UBE3D: variants seen among roughly 807,000 people sequenced by gnomAD.
UBE3D encodes the protein E3 ubiquitin-protein ligase E3D.
UBE3D carries 48 observed loss-of-function variants against 49.6 expected under a neutral mutation model. The ratio of observed to expected loss-of-function variants is 0.97; its 90% CI spans 0.77 to 1.23. The LOEUF (loss-of-function observed/expected upper bound fraction) is 1.23, where lower values mean the gene tolerates loss of function less well. UBE3D is among the 50% of genes most tolerant of loss of function. UBE3D has a pLI of 0.00. For missense variants in UBE3D, 452 were observed against 468.4 expected, an observed-to-expected ratio of 0.96 and a Z score of 0.32; for synonymous variants, 189 against 174.2, an observed-to-expected ratio of 1.08 and a Z score of -0.67.
chr6:83,034,707 C>T (rs1055415630), intron 5 of UBE3D, among the ~76,000 whole-genome samples: 1 of 152,132 alleles, frequency 6.6e-6, no homozygotes, highest in African/African-American at 2.4e-5. Context: ...GCTTCTTTGC[C>T]TTCTGCCATG....
intron 1 of UBE3D, among the ~76,000 whole-genome samples, chr6:83,063,406 G>A (rs1458823360): frequency 8.3e-5 from 10 of 120,684 alleles, no homozygotes; most frequent in East Asian, 4.5e-4. Flanking sequence ...AGAGCAAGAC[G>A]CTGTCTAAAA....
chr6:83,034,941 GA>G (rs1212085816), intron 5 of UBE3D, among the ~76,000 whole-genome samples: 2 of 152,064 alleles, frequency 1.3e-5, no homozygotes, highest in Non-Finnish European at 2.9e-5. Context: ...CCAGCACTTG[GA>G]AGGCTGAGGC....
the UBE3D span, among the ~76,000 whole-genome samples, chr6:82,884,091 T>C: frequency 6.6e-6 from 1 of 152,212 alleles, no homozygotes; most frequent in Non-Finnish European, 1.5e-5. Context: ...TTTCAAATTT[T>C]AAAACATTAA....
intron 3 of UBE3D, chr6:83,049,793 G>A: frequency 2.1e-6 from 1 of 471,006 alleles, no homozygotes; most frequent in South Asian, 1.5e-5. Context: ...AAAGGCTTGA[G>A]TTTGAAAGTT....
intron 8 of UBE3D, among the ~76,000 whole-genome samples, chr6:82,981,775 CT>C (rs1284960185): frequency 6.6e-6 from 1 of 151,708 alleles, no homozygotes; most frequent in Non-Finnish European, 1.5e-5. Context: ...TGAGAAGAAC[CT>C]TAAAAAAAAA....
At chr6:82,975,549 T>C (rs962384995) in intron 8 of UBE3D, among the ~76,000 whole-genome samples, 1 of 152,180 alleles carries the variant, frequency 6.6e-6, no homozygotes, top group African/African-American at 2.4e-5. Flanking sequence ...AAGAAATATA[T>C]ACTATTTTGG....
At chr6:82,958,083 C>T (rs1382109240) in intron 8 of UBE3D, among the ~76,000 whole-genome samples, 5 of 152,100 alleles carry the variant, frequency 3.3e-5, no homozygotes, top group Non-Finnish European at 5.9e-5. Context: ...CTATATCCTG[C>T]GGAACCTATT....
At chr6:83,027,389 C>G (rs1271380943) in intron 5 of UBE3D, among the ~76,000 whole-genome samples, 1 of 137,800 alleles carries the variant, frequency 7.3e-6, no homozygotes, top group Non-Finnish European at 1.5e-5. Context: ...TGAGCCAAGA[C>G]CGCACCACTG....
chr6:82,917,299 A>T (rs1464279833), intron 9 of UBE3D, among the ~76,000 whole-genome samples: 1 of 152,164 alleles, frequency 6.6e-6, no homozygotes, highest in Non-Finnish European at 1.5e-5. Context: ...CATGAACAGG[A>T]GGGGGAAGCC....
chr6:82,997,520 C>A (rs1181701640), intron 8 of UBE3D, among the ~76,000 whole-genome samples: 4 of 152,030 alleles, frequency 2.6e-5, no homozygotes, highest in Non-Finnish European at 5.9e-5. Flanking sequence ...GAGATCGAGA[C>A]CGGCCTGGCT....
chr6:83,038,632 C>T (rs118061057), intron 4 of UBE3D, 147 bp from the exon 5 acceptor site: 8,641 of 662,276 alleles, frequency 0.013, 77 homozygotes, highest in Non-Finnish European at 0.016. Flanking sequence ...AGCTTGTATG[C>T]ATAATTCACA....
intron 5 of UBE3D, chr6:83,038,142 T>C (rs1189538889): frequency 1.2e-5 from 3 of 242,246 alleles, no homozygotes; most frequent in Non-Finnish European, 2.3e-5. Flanking sequence ...GAACAAACTT[T>C]ATACTATTGC....
intron 8 of UBE3D, among the ~76,000 whole-genome samples, chr6:82,973,985 G>A (rs1777535467): frequency 6.6e-6 from 1 of 152,116 alleles, no homozygotes; most frequent in African/African-American, 2.4e-5. Flanking sequence ...ACCCCCAGAT[G>A]GGACTGTCTA....
Position 83,057,847 on chromosome 6 carries a change from T to A in UBE3D, c.253A>T (p.Thr85Ser). 1 of 1,614,170 alleles carries A rather than the reference T, an allele frequency of 6.2e-7. No individual in the cohort carries two copies. ...TCACTTGTGCCTAATTTTGCTTGCG[T>A]CTGCAGTCGCAGGTGCAGTCCATCT... Reference protein sequence around the residue: ...VGDGLHLRLQTQAKLGTKLIS... With the variant: ...VGDGLHLRLQSQAKLGTKLIS... Residue 85 changes from threonine (T) to serine (S), a missense_variant, in exon 2 of 10, where the codon ACG (threonine) becomes TCG (serine). By Grantham distance (58) the Thr-to-Ser change is moderately conservative. Coordinates refer to ENST00000369747, the MANE Select transcript of UBE3D (RefSeq NM_198920.3).
At chr6:82,948,936 A>G (rs190323683) in intron 9 of UBE3D, among the ~76,000 whole-genome samples, 1 of 152,120 alleles carries the variant, frequency 6.6e-6, no homozygotes, top group East Asian at 1.9e-4. Context: ...GGAAAAACTA[A>G]AAGTCTTTCC....
chr6:82,992,889 A>G (rs1778988228), intron 8 of UBE3D, among the ~76,000 whole-genome samples: 1 of 152,080 alleles, frequency 6.6e-6, no homozygotes, highest in Non-Finnish European at 1.5e-5. Context: ...GGTATTTGTC[A>G]GATAAGTGGC....
At chr6:83,062,103 C>T (rs1430272539) in intron 1 of UBE3D, among the ~76,000 whole-genome samples, 1 of 152,166 alleles carries the variant, frequency 6.6e-6, no homozygotes, top group African/African-American at 2.4e-5. Context: ...TCTCTGCCGC[C>T]TCTTCTCTAC....
rs113316449 is a variant in UBE3D, at chr6:83,016,266, A to G, written c.1010+2707T>C. 9.6e-3 allele frequency among the ~76,000 whole-genome samples: 1,469 copies of G among 152,318 alleles called. 21 individuals carry two copies. Among genetic ancestry groups the G allele is most frequent in the African/African-American group, 0.034 (1,393 of 41,572 alleles). On this transcript the variant is annotated intron_variant, in intron 8 of 9. Transcript: ENST00000369747. ...TTGTCCAGTGAACTTAGGAGCAACC[A>G]ACCAACTTCATTATGTTCCTTAATA...
chr6:83,026,547 A>T (rs946493113), intron 5 of UBE3D, among the ~76,000 whole-genome samples: 23 of 152,304 alleles, frequency 1.5e-4, no homozygotes, highest in African/African-American at 5.3e-4. Flanking sequence ...GGTAAAAAAA[A>T]TAAATGGTTT....
Sources: allele counts gnomAD v4.1 joint callset (sites outside exome capture counted in the v4.1 genomes callset), GRCh38; gene constraint gnomAD v4.1.1; transcripts MANE v1.5; gene names NCBI Gene and HGNC (gene_info 2026-07-23, HGNC 2026-07-21).